Variants in CARMIL3 observed in about 807,000 individuals in gnomAD.
CARMIL3 encodes capping protein regulator and myosin 1 linker 3.
Under a neutral mutation model 180.8 loss-of-function variants are expected in CARMIL3, and 88 were observed. The observed-to-expected ratio is 0.49, with a 90% CI of 0.41 to 0.58. The LOEUF is 0.58. Ranked by LOEUF, CARMIL3 falls within the 20% of genes least tolerant of loss-of-function variation. CARMIL3 has a pLI of 0.00. For missense variants in CARMIL3, 1,548 were observed against 1,787.0 expected (o/e 0.87, Z 2.41); for synonymous variants, 696 against 714.5 (o/e 0.97, Z 0.41).
chr14:24,054,146 G>A lies in CARMIL3; in HGVS notation c.186+8G>A. The A allele has an allele frequency of 4.3e-6, 7 of 1,614,164 alleles. No homozygotes were observed. The highest frequency in any genetic ancestry group is 5.1e-6 in the Non-Finnish European group (6 of 1,180,016). On this transcript the variant is annotated splice_region_variant and intron_variant, in intron 3 of 39. Coordinates refer to ENST00000342740, the MANE Select transcript of CARMIL3 (RefSeq NM_138360.4). This position sits in a 1 kb window ranked among gnomAD's most constrained non-coding sequence, Gnocchi z 5.1. ...CTTAAAGTCCCGGCCAAGGTGAGTT[G>A]GGCTGAGGAGCAGGAGAGCACCTGG...
At chr14:24,064,399 G>A in intron 32 of CARMIL3, 53 bp downstream of exon 32, 1 of 1,356,866 alleles carries the variant, frequency 7.4e-7, no homozygotes, top group Non-Finnish European at 1.0e-6. Flanking sequence ...GCCCTAGAAG[G>A]GCTGCTGTGT....
chr14:24,054,668 G>A lies in CARMIL3; in HGVS notation c.363-43G>A. On this transcript the variant is annotated intron_variant, in intron 5 of 39. Transcript: ENST00000342740. This position sits in a 1 kb window ranked among gnomAD's most constrained non-coding sequence, Gnocchi z 5.1. ...AGCTATAACGTGGGAAGAACTGAGA[G>A]CCTCTTTCCAGCCCTCTCTGGAATG... 1 of 1,582,342 alleles carries A rather than the reference G, an allele frequency of 6.3e-7. No individual in the cohort carries two copies.
At position 24,066,426 on chromosome 14, in the gene CARMIL3, C is replaced by T. The variant is rs199616539; in HGVS notation, c.3554C>T (p.Thr1185Ile). The T allele has an allele frequency of 4.3e-6, 7 of 1,614,232 alleles. No homozygotes were observed. In the Admixed American group the frequency reaches 1.2e-4, roughly 27 times the overall value. Reference sequence around the variant, plus strand: ...CCAGGCCCAGACCAGGAGGGCAGCACCCAGGCCTGGCAGAAACGGCGCTCT... The same window carrying T: ...CCAGGCCCAGACCAGGAGGGCAGCATCCAGGCCTGGCAGAAACGGCGCTCT... ...EGPGPDQEGS[T>I]QAWQKRRSSD... The change falls in exon 35 of 40, where the codon ACC (threonine) becomes ATC (isoleucine). Residue 1185 changes from threonine (T) to isoleucine (I), a missense_variant. Around this residue, in one of 4 missense-constraint regions of CARMIL3, gnomAD observed 668 missense variants for 687.8 expected, o/e 0.97. Coordinates refer to ENST00000342740, the MANE Select transcript of CARMIL3 (RefSeq NM_138360.4).
Position 24,069,364 on chromosome 14 carries a change from A to T in CARMIL3, c.4094-15A>T, listed in dbSNP as rs1452360683. ...CTGCCCAGGAAACAGGGCTCCCTGGATTTGTCCCCAGCAGGAACCAGTGAG... is the reference window on the plus strand; with the variant it reads ...CTGCCCAGGAAACAGGGCTCCCTGGTTTTGTCCCCAGCAGGAACCAGTGAG... On this transcript the variant is annotated splice_polypyrimidine_tract_variant and intron_variant, in intron 39 of 39. Transcript: ENST00000342740. 3 of 1,613,960 alleles carry T rather than the reference A, an allele frequency of 1.9e-6. No individual in the cohort carries two copies. The highest frequency in any genetic ancestry group is 2.5e-6 in the Non-Finnish European group (3 of 1,179,988).
intron 2 of CARMIL3, 56 bp downstream of exon 2, chr14:24,053,859 A>G: frequency 6.8e-7 from 1 of 1,475,458 alleles, no homozygotes. Flanking sequence ...GCAGCTGGCC[A>G]GTAGAGGGCA....
intron 23 of CARMIL3, 34 bp from the exon 24 acceptor site, chr14:24,060,123 C>T: frequency 6.2e-7 from 1 of 1,613,744 alleles, no homozygotes; most frequent in South Asian, 1.1e-5. Context: ...GCCCCCATCC[C>T]CAGGCCCTGA....
Position 24,062,515 on chromosome 14 carries a change from G to C in CARMIL3, c.2516G>C (p.Ser839Thr). 6.2e-7 allele frequency: 1 copy of C among 1,614,178 alleles called. No homozygotes were observed. The highest frequency in any genetic ancestry group is 8.5e-7 in the Non-Finnish European group (1 of 1,180,030). The part of the protein sequence containing the change: ...VKLSVVTYLT[S>T]SIVDEILQEL... ...CTCTCAGTCGTCACCTACCTAACCA[G>C]CTCCATAGTGGATGAGATCCTGCAA... Residue 839 changes from serine (S) to threonine (T), a missense_variant, in exon 28 of 40, where the codon AGC becomes ACC. Coordinates refer to ENST00000342740, the MANE Select transcript of CARMIL3 (RefSeq NM_138360.4).
intron 30 of CARMIL3, 65 bp from the exon 31 acceptor site, chr14:24,063,260 C>T: frequency 6.3e-7 from 1 of 1,592,784 alleles, no homozygotes; most frequent in Non-Finnish European, 8.6e-7. Flanking sequence ...GATTTTTTCT[C>T]TGTCTCCCCA....
chr14:24,068,358 C>T (rs1219008830), intron 36 of CARMIL3, among the ~76,000 whole-genome samples: 1 of 148,916 alleles, frequency 6.7e-6, no homozygotes, highest in East Asian at 2.0e-4. Flanking sequence ...GATTGCACCA[C>T]TGTACTCCAG....
rs769203903 is a variant in CARMIL3 at position 24,065,208 on chromosome 14, G to A, written c.3331G>A (p.Glu1111Lys). 13 of 1,548,802 alleles carry A rather than the reference G, an allele frequency of 8.4e-6. No homozygotes were observed. The East Asian group carries it at 3.0e-4, about 36-fold the overall frequency. Residue 1111 changes from glutamate to lysine, a missense_variant, in exon 33 of 40, where the codon GAG (glutamate) becomes AAG (lysine). Physicochemically the swap from Glu to Lys is moderately conservative, Grantham distance 56. This residue lies in a region of CARMIL3 where 668 missense variants were observed against 687.8 expected (regional missense o/e 0.97). Transcript: ENST00000342740. ...GNNSSPCWSPEEESSLLPGFG... is the reference protein window; with the variant it reads ...GNNSSPCWSPKEESSLLPGFG... ...TAACTCCTCTCCCTGCTGGAGCCCA[G>A]AGGAGGAGAGCAGCCTCCTCCCTGG...
intron 14 of CARMIL3, 152 bp downstream of exon 14, chr14:24,057,396 C>A: frequency 1.4e-6 from 1 of 719,736 alleles, no homozygotes; most frequent in Non-Finnish European, 2.4e-6. Flanking sequence ...GTCCATAGTT[C>A]ATACCTGTGT....
rs760349660 is a variant in CARMIL3 at position 24,054,736 on chromosome 14, G to A, written c.388G>A (p.Asp130Asn). ...PGCLIRRGNA[D>N]TPEGPRDTSP... ...GTGTTTGATCCGGCGTGGAAACGCAGACACCCCAGAGGGGCCCCGAGATAC... is the reference window on the plus strand; with the variant it reads ...GTGTTTGATCCGGCGTGGAAACGCAAACACCCCAGAGGGGCCCCGAGATAC... Residue 130 changes from aspartate to asparagine, a missense_variant, in exon 6 of 40, where the codon GAC becomes AAC. Asp to Asn is a conservative substitution (Grantham distance 23). Around this residue, in one of 4 missense-constraint regions of CARMIL3, gnomAD observed 578 missense variants for 666.5 expected, o/e 0.87. Transcript: ENST00000342740. This position sits in a 1 kb window ranked among gnomAD's most constrained non-coding sequence, Gnocchi z 5.1. 3 of 1,614,088 alleles carry A rather than the reference G, an allele frequency of 1.9e-6. No individual in the cohort carries two copies. Among genetic ancestry groups the A allele is most frequent in the Non-Finnish European group, 2.5e-6 (3 of 1,180,012 alleles).
At position 24,057,954 on chromosome 14, in the gene CARMIL3, C is replaced by T. The variant is rs757509779; in HGVS notation, c.1218-6C>T. ...TCCCTCGCTGACCCCAGGGGTCTCTCCACAGGAAGGGTCGAGAGGCCCCGC... is the reference window on the plus strand; with the variant it reads ...TCCCTCGCTGACCCCAGGGGTCTCTTCACAGGAAGGGTCGAGAGGCCCCGC... On this transcript the variant is annotated splice_region_variant and splice_polypyrimidine_tract_variant and intron_variant, in intron 15 of 39. Transcript: ENST00000342740. 1 of 1,613,464 alleles carries T rather than the reference C, an allele frequency of 6.2e-7. No homozygotes were observed. The highest frequency in any genetic ancestry group is 1.7e-5 in the Admixed American group (1 of 60,024).
rs1566540261 is a variant in CARMIL3, at chr14:24,059,020, T to C, written c.1571+34T>C. The stretch of plus-strand genomic sequence containing the variant: ...CCCTTTCCATGCCCACAGACCCTCA[T>C]CCCATCATTCACCCATCCTCTTGGC... On this transcript the variant is annotated intron_variant, in intron 19 of 39. Transcript: ENST00000342740. This position sits in a 1 kb window ranked among gnomAD's most constrained non-coding sequence, Gnocchi z 6.3. The C allele has an allele frequency of 1.2e-6, 2 of 1,610,606 alleles. No homozygotes were observed. The highest frequency in any genetic ancestry group is 1.7e-4 in the Middle Eastern group (1 of 5,842).
chr14:24,061,059 A>G lies in CARMIL3; in HGVS notation c.2304+19A>G, dbSNP rs200227483. Reference sequence around the variant, plus strand: ...GCTGCAGGCAAGTCCTGGAGGAGGGAGGAATCCATGGTGGGAACCTAGTGT... The same window carrying G: ...GCTGCAGGCAAGTCCTGGAGGAGGGGGGAATCCATGGTGGGAACCTAGTGT... On this transcript the variant is annotated intron_variant, in intron 26 of 39. Transcript: ENST00000342740. This position sits in a 1 kb window ranked among gnomAD's most constrained non-coding sequence, Gnocchi z 4.1. 680 of 1,546,700 alleles carry G rather than the reference A, an allele frequency of 4.4e-4. 3 individuals are homozygous for G. The highest frequency in any genetic ancestry group is 3.2e-4 in the East Asian group (13 of 40,896).
At chr14:24,063,226 C>T in intron 30 of CARMIL3, 43 bp downstream of exon 30, 1 of 1,599,850 alleles carries the variant, frequency 6.3e-7, no homozygotes, top group Non-Finnish European at 8.6e-7. Flanking sequence ...CAGACTCCCG[C>T]CCTCTGTAGC....
In CARMIL3 at chr14:24,055,120, G is replaced by A. The variant is rs377234963; in HGVS notation, c.515G>A (p.Arg172His). 31 of 1,613,992 alleles carry A rather than the reference G, an allele frequency of 1.9e-5. No individual in the cohort carries two copies. Among genetic ancestry groups the A allele is most frequent in the South Asian group, 3.3e-5 (3 of 91,068 alleles). The part of the protein sequence containing the change: ...ALCDYNGLHC[R>H]EEVQWDVDTI... ...TGTGACTACAATGGGCTACACTGCC[G>A]TGAGGAGGTTCAATGGGTATGTTGG... The change falls in exon 7 of 40, where the codon CGT becomes CAT. Residue 172 changes from arginine (R) to histidine (H), a missense_variant. Around this residue, in one of 4 missense-constraint regions of CARMIL3, gnomAD observed 578 missense variants for 666.5 expected, o/e 0.87. Coordinates refer to ENST00000342740, the MANE Select transcript of CARMIL3 (RefSeq NM_138360.4).
intron 36 of CARMIL3, among the ~76,000 whole-genome samples, chr14:24,067,194 A>C (rs1416823165): frequency 6.6e-6 from 1 of 152,230 alleles, no homozygotes; most frequent in African/African-American, 2.4e-5. Flanking sequence ...CCGCGACCTT[A>C]AACAAGTCAT....
rs969706542 is a variant in CARMIL3 at position 24,059,475 on chromosome 14, G to T, written c.1799+33G>T. The T allele has an allele frequency of 1.9e-6, 3 of 1,549,856 alleles. No homozygotes were observed. The highest frequency in any genetic ancestry group is 2.7e-5 in the African/African-American group (2 of 72,828). ...CCACACCGGGACCCCCTGACCTGGA[G>T]CCCCAGCCCCTCCCCATATGTACAT... On this transcript the variant is annotated intron_variant, in intron 21 of 39. Transcript: ENST00000342740. This position sits in a 1 kb window ranked among gnomAD's most constrained non-coding sequence, Gnocchi z 6.3.
Sources: gnomAD v4.1 joint callset for allele counts (sites outside exome capture counted in the v4.1 genomes callset) on GRCh38, gnomAD v4.1.1 for gene constraint, gnomAD v4.1.1 regional missense constraint, Gnocchi (gnomAD v3.1) non-coding constraint, MANE v1.5 for transcripts, NCBI Gene and HGNC (gene_info 2026-07-23, HGNC 2026-07-21) for gene names.